The following MDGA2 variants were observed in gnomAD, a reference collection of about 807,000 sequenced individuals.
MDGA2 encodes the protein MAM domain containing glycosylphosphatidylinositol anchor 2.
A neutral mutation model predicts 117.8 loss-of-function variants in MDGA2; 40 were observed. The ratio of observed to expected loss-of-function variants is 0.34; its 90% CI spans 0.26 to 0.44. MDGA2 has a LOEUF of 0.44. Among genes scored for constraint, MDGA2 ranks in the 20% least tolerant of loss-of-function variants. The pLI is 1.00. For missense variants in MDGA2, 1,123 were observed against 1,250.6 expected (o/e 0.90, Z 1.54); for synonymous variants, 452 against 439.0 (o/e 1.03, Z -0.37).
At chr14:47,472,904 T>A (rs907297153) in intron 1 of MDGA2, among the ~76,000 whole-genome samples, 28 of 152,182 alleles carry the variant, frequency 1.8e-4, no homozygotes, top group Non-Finnish European at 2.4e-4. Context: ...TGGCTTTTTT[T>A]TAAAAAACTC....
chr14:46,962,651 C>T lies in MDGA2; in HGVS notation c.1820-5008G>A, dbSNP rs1163415570. 7.2e-5 allele frequency among the ~76,000 whole-genome samples: 11 copies of T among 152,102 alleles called. No homozygotes were observed. In the East Asian group the frequency reaches 1.9e-3, roughly 27 times the overall value. ...ATATTGTCCAGATTTTAGTTGTTTACATTGGAGAGATTTTACATAATATTT... is the reference window on the plus strand; with the variant it reads ...ATATTGTCCAGATTTTAGTTGTTTATATTGGAGAGATTTTACATAATATTT... On this transcript the variant is annotated intron_variant, in intron 8 of 16. Transcript: ENST00000399232.
intron 1 of MDGA2, among the ~76,000 whole-genome samples, chr14:47,558,353 T>C (rs530227598): frequency 1.2e-4 from 19 of 152,318 alleles, no homozygotes; most frequent in African/African-American, 4.1e-4. Flanking sequence ...AATGCTAGTT[T>C]TGATTTTAAC....
intron 8 of MDGA2, among the ~76,000 whole-genome samples, chr14:47,014,119 T>C (rs969334401): frequency 6.6e-6 from 1 of 151,904 alleles, no homozygotes; most frequent in Non-Finnish European, 1.5e-5. Flanking sequence ...TTATCAGAGT[T>C]ATTGAGTGAC....
chr14:47,306,842 G>GGAGAAAGAGAAAGAGGGAGAGAGAGAGA (rs1889463595), intron 1 of MDGA2, among the ~76,000 whole-genome samples: 1 of 146,598 alleles, frequency 6.8e-6, no homozygotes, highest in East Asian at 2.1e-4. Context: ...AGAGAAAGAG[G>GGAGAAAGAGAAAGAGGGAGAGAGAGAGA]GAGAGAGAGA....
rs886939962 is a variant in MDGA2, at chr14:47,454,335, GA to G, written c.281-152786del. ...ATTTACGATGAAGGGGAAGTTGGGT[GA>G]AAAAAAAGCAGTATTGTTTATCATA... On this transcript the variant is annotated intron_variant, in intron 1 of 16. Transcript: ENST00000399232. Among the ~76,000 whole-genome samples the G allele has an allele frequency of 4.6e-5, 7 of 151,578 alleles. No homozygotes were observed. The South Asian group carries it at 6.2e-4, about 13-fold the overall frequency.
intron 8 of MDGA2, among the ~76,000 whole-genome samples, chr14:46,980,061 G>GT (rs1329351552): frequency 1.3e-5 from 2 of 152,190 alleles, no homozygotes; most frequent in Non-Finnish European, 2.9e-5. Flanking sequence ...GTGCATTAGT[G>GT]TAAGTGTAAG....
chr14:47,000,767 A>C (rs1887503515), intron 8 of MDGA2, among the ~76,000 whole-genome samples: 1 of 151,884 alleles, frequency 6.6e-6, no homozygotes, highest in African/African-American at 2.4e-5. Context: ...TTTAGCATGC[A>C]AAGGAAGCTA....
chr14:46,872,066 T>C (rs1057171106), intron 14 of MDGA2: 14 of 155,936 alleles, frequency 9.0e-5, no homozygotes, highest in African/African-American at 3.1e-4. Flanking sequence ...TACTAGTTAA[T>C]ACTGTTGGGT....
At chr14:47,440,607 G>A (rs531489769) in intron 1 of MDGA2, among the ~76,000 whole-genome samples, 33 of 152,078 alleles carry the variant, frequency 2.2e-4, no homozygotes, top group Non-Finnish European at 4.3e-4. Context: ...ATCTCTGGTA[G>A]ATACCATAAA....
At chr14:47,536,872 A>G (rs1895222627) in intron 1 of MDGA2, among the ~76,000 whole-genome samples, 1 of 152,258 alleles carries the variant, frequency 6.6e-6, no homozygotes, top group Admixed American at 6.5e-5. Context: ...TATTCCATAT[A>G]GCCTTGCCAT....
intron 5 of MDGA2, among the ~76,000 whole-genome samples, chr14:47,128,112 A>G (rs1881995948): frequency 6.6e-6 from 1 of 152,098 alleles, no homozygotes; most frequent in South Asian, 2.1e-4. Context: ...ATTAAATATA[A>G]TTTTATTGGT....
Position 47,612,640 on chromosome 14 carries a change from G to C in MDGA2, c.280+61877C>G, listed in dbSNP as rs548709497. 3.9e-5 allele frequency among the ~76,000 whole-genome samples: 6 copies of C among 152,148 alleles called. No homozygotes were observed. The South Asian group carries it at 1.2e-3, about 32-fold the overall frequency. On this transcript the variant is annotated intron_variant, in intron 1 of 16. Transcript: ENST00000399232. Reference sequence around the variant, plus strand: ...TGGCTATGAGAAACTATTTGGGTATGCTTCTATACCTTCTCCAAGCAATTT... The same window carrying C: ...TGGCTATGAGAAACTATTTGGGTATCCTTCTATACCTTCTCCAAGCAATTT...
chr14:46,938,551 A>G (rs1330596892), intron 9 of MDGA2, among the ~76,000 whole-genome samples: 1 of 147,458 alleles, frequency 6.8e-6, no homozygotes, highest in East Asian at 2.0e-4. Flanking sequence ...AAAAAAAAAA[A>G]AAAAAAAAAG....
intron 15 of MDGA2, among the ~76,000 whole-genome samples, chr14:46,853,773 A>G (rs1490445778): frequency 6.6e-6 from 1 of 151,794 alleles, no homozygotes; most frequent in Non-Finnish European, 1.5e-5. Context: ...TATCTATAAT[A>G]ATATCAACTT....
chr14:47,072,114 G>GGT (rs1890312631), intron 6 of MDGA2, among the ~76,000 whole-genome samples: 1 of 97,152 alleles, frequency 1.0e-5, no homozygotes, highest in Non-Finnish European at 2.2e-5. Context: ...GGGGGGGGGG[G>GGT]TTTGCAGGTA....
intron 1 of MDGA2, among the ~76,000 whole-genome samples, chr14:47,584,207 T>C (rs549957061): frequency 1.9e-4 from 29 of 152,040 alleles, no homozygotes; most frequent in African/African-American, 6.0e-4. Context: ...GTACCTTCTA[T>C]TATCTGCACA....
At chr14:47,384,152 A>G (rs1891705179) in intron 1 of MDGA2, among the ~76,000 whole-genome samples, 1 of 151,990 alleles carries the variant, frequency 6.6e-6, no homozygotes, top group Admixed American at 6.6e-5. Flanking sequence ...GTATTGTAAA[A>G]TAGAACCTGA....
chr14:47,055,694 A>G (rs1385394614), intron 7 of MDGA2, among the ~76,000 whole-genome samples: 2 of 152,274 alleles, frequency 1.3e-5, no homozygotes, highest in East Asian at 1.9e-4. Flanking sequence ...TTTGAGGTCA[A>G]TGCATTACAG....
chr14:47,674,986 A>AGCT lies in MDGA2; in HGVS notation c.-193_-191dup, dbSNP rs1898153750. ...CAGGGAAGCGGGCTCGAGTCTCCGC[A>AGCT]GCTGCGGCGGCGGCGGCGGCGCGCT... On this transcript the variant is annotated 5_prime_UTR_variant, in exon 1 of 17. Coordinates refer to ENST00000399232, the MANE Select transcript of MDGA2 (RefSeq NM_001113498.3). 5.6e-6 allele frequency: 2 copies of AGCT among 360,344 alleles called. No homozygotes were observed. The highest frequency in any genetic ancestry group is 9.8e-6 in the Non-Finnish European group (2 of 203,278). 22.3% of individuals were successfully genotyped at this position (360,344 alleles called of 1,614,324 possible). A position where few individuals can be genotyped will look rare whatever the true frequency, so the allele number is the denominator to read the frequency against.
Sources: gnomAD v4.1 joint callset for allele counts (sites outside exome capture counted in the v4.1 genomes callset) on GRCh38, gnomAD v4.1.1 for gene constraint, MANE v1.5 for transcripts, NCBI Gene and HGNC (gene_info 2026-07-23, HGNC 2026-07-21) for gene names.